FHIT: variants seen among roughly 807,000 people sequenced by gnomAD.
The protein encoded by FHIT is bis(5'-adenosyl)-triphosphatase.
A neutral mutation model predicts 17.9 loss-of-function variants in FHIT; 19 were observed. That is an observed-to-expected ratio of 1.06 (90% CI 0.74 to 1.56). The LOEUF (loss-of-function observed/expected upper bound fraction) is 1.56. FHIT is among the 40% of genes most tolerant of loss of function. The pLI is 0.00. For missense variants in FHIT, 248 were observed against 189.2 expected, an observed-to-expected ratio of 1.31 and a Z score of -1.82; for synonymous variants, 81 against 69.7, an observed-to-expected ratio of 1.16 and a Z score of -0.81.
chr3:59,863,498 C>T (rs964770347), intron 8 of FHIT, among the ~76,000 whole-genome samples: 2 of 152,190 alleles, frequency 1.3e-5, no homozygotes, highest in Admixed American at 6.5e-5. Context: ...GCATCCATCA[C>T]ATCTGTAATT....
intron 4 of FHIT, among the ~76,000 whole-genome samples, chr3:60,733,244 A>G (rs2042069102): frequency 6.6e-6 from 1 of 152,208 alleles, no homozygotes. Context: ...ATTTCTTGCC[A>G]ACTAGGAATT....
intron 5 of FHIT, among the ~76,000 whole-genome samples, chr3:60,275,008 A>G (rs1707055098): frequency 6.6e-6 from 1 of 152,156 alleles, no homozygotes; most frequent in African/African-American, 2.4e-5. Context: ...GATAGTCTCA[A>G]GGAAGAGAAA....
At position 59,943,477 on chromosome 3, in the gene FHIT, G is replaced by A. The variant is rs186955920; in HGVS notation, c.280-21063C>T. Among the ~76,000 whole-genome samples the A allele has an allele frequency of 2.8e-3, 419 of 152,280 alleles. 2 individuals carry two copies. Among genetic ancestry groups the A allele is most frequent in the Non-Finnish European group, 5.1e-3 (350 of 68,012 alleles). Reference sequence around the variant, plus strand: ...CTTCTCCCAGCCTTTCCTGCATGGAGTATGACAAGAGAGGCCCTTGGTAAC... The same window carrying A: ...CTTCTCCCAGCCTTTCCTGCATGGAATATGACAAGAGAGGCCCTTGGTAAC... On this transcript the variant is annotated intron_variant, in intron 7 of 9. Transcript: ENST00000492590.
chr3:59,915,285 A>G (rs1231896809), intron 8 of FHIT, among the ~76,000 whole-genome samples: 2 of 152,212 alleles, frequency 1.3e-5, no homozygotes, highest in Non-Finnish European at 2.9e-5. Flanking sequence ...AGAGGACCAC[A>G]TGGAGTGGTT....
chr3:60,287,010 A>G (rs554101105), intron 5 of FHIT, among the ~76,000 whole-genome samples: 2 of 152,248 alleles, frequency 1.3e-5, no homozygotes, highest in African/African-American at 4.8e-5. Context: ...TTTGCCTTTT[A>G]ATATTTTGAT....
At chr3:60,557,017 C>T (rs1356663275) in intron 4 of FHIT, among the ~76,000 whole-genome samples, 2 of 152,196 alleles carry the variant, frequency 1.3e-5, no homozygotes, top group East Asian at 3.9e-4. Flanking sequence ...AAAACTTGTG[C>T]AGTAACATTT....
intron 3 of FHIT, among the ~76,000 whole-genome samples, chr3:60,964,095 C>T (rs1045126123): frequency 7.2e-5 from 11 of 152,174 alleles, no homozygotes; most frequent in Non-Finnish European, 1.5e-4. Flanking sequence ...TAAGGGCTTG[C>T]TTTATGAATC....
At chr3:60,364,629 T>C (rs1211884397) in intron 5 of FHIT, among the ~76,000 whole-genome samples, 1 of 152,224 alleles carries the variant, frequency 6.6e-6, no homozygotes, top group Non-Finnish European at 1.5e-5. Flanking sequence ...TACATGCTGG[T>C]TCATTCTATG....
intron 4 of FHIT, among the ~76,000 whole-genome samples, chr3:60,728,740 G>A (rs1553710312): frequency 6.7e-6 from 1 of 149,592 alleles, no homozygotes; most frequent in Non-Finnish European, 1.5e-5. Flanking sequence ...CAATTGGCAT[G>A]CAACAGTTGT....
chr3:60,487,011 C>T (rs1425700908), intron 5 of FHIT, among the ~76,000 whole-genome samples: 1 of 152,174 alleles, frequency 6.6e-6, no homozygotes, highest in Non-Finnish European at 1.5e-5. Flanking sequence ...TTGCTATAAA[C>T]ACAAGGTGTA....
intron 5 of FHIT, among the ~76,000 whole-genome samples, chr3:60,207,700 G>A (rs1222759181): frequency 6.6e-6 from 1 of 152,050 alleles, no homozygotes; most frequent in Non-Finnish European, 1.5e-5. Context: ...TATAGAATTC[G>A]TATGTGAGTT....
intron 5 of FHIT, among the ~76,000 whole-genome samples, chr3:60,415,749 GTC>G (rs1396593753): frequency 2.8e-5 from 4 of 140,878 alleles, no homozygotes; most frequent in Admixed American, 2.2e-4. Flanking sequence ...AAAAAAAAAA[GTC>G]TCTATCATGG....
intron 5 of FHIT, among the ~76,000 whole-genome samples, chr3:60,407,007 C>T (rs1262801957): frequency 6.7e-6 from 1 of 149,700 alleles, no homozygotes; most frequent in East Asian, 2.0e-4. Context: ...TGTCAATTCT[C>T]AAGTCTCATT....
chr3:60,770,805 A>C (rs542411877), intron 4 of FHIT, among the ~76,000 whole-genome samples: 1 of 152,350 alleles, frequency 6.6e-6, no homozygotes, highest in South Asian at 2.1e-4. Context: ...CTTAGCCTCA[A>C]GCTTATTTCT....
chr3:59,896,034 T>C (rs1188408690), intron 8 of FHIT, among the ~76,000 whole-genome samples: 2 of 152,222 alleles, frequency 1.3e-5, no homozygotes, highest in African/African-American at 4.8e-5. Context: ...CAGAGAAATT[T>C]TTTGACTGCA....
At chr3:60,688,052 T>G (rs1276670485) in intron 4 of FHIT, among the ~76,000 whole-genome samples, 1 of 152,174 alleles carries the variant, frequency 6.6e-6, no homozygotes, top group Non-Finnish European at 1.5e-5. Flanking sequence ...GTTACTTTGT[T>G]TTAGGTATAT....
chr3:60,712,374 A>G (rs1350512038), intron 4 of FHIT, among the ~76,000 whole-genome samples: 1 of 152,180 alleles, frequency 6.6e-6, no homozygotes, highest in African/African-American at 2.4e-5. Context: ...TCAACTAACA[A>G]GCAAAATAAC....
At chr3:59,980,153 G>C (rs1708589648) in intron 7 of FHIT, among the ~76,000 whole-genome samples, 2 of 152,182 alleles carry the variant, frequency 1.3e-5, no homozygotes, top group South Asian at 4.1e-4. Context: ...ACTATCTAAA[G>C]AAACTGAAGC....
intron 5 of FHIT, among the ~76,000 whole-genome samples, chr3:60,494,034 CAAAT>C (rs1171816102): frequency 6.6e-6 from 1 of 152,150 alleles, no homozygotes; most frequent in Non-Finnish European, 1.5e-5. Context: ...GACATATACT[CAAAT>C]ACATAAAGTT....
Sources: allele counts gnomAD v4.1 joint callset (sites outside exome capture counted in the v4.1 genomes callset), GRCh38; gene constraint gnomAD v4.1.1; transcripts MANE v1.5; gene names NCBI Gene and HGNC (gene_info 2026-07-23, HGNC 2026-07-21).